The following PIWIL2 variants were observed in gnomAD, a reference collection of about 807,000 sequenced individuals.
PIWIL2 encodes the protein piwi-like protein 2.
PIWIL2 carries 81 observed loss-of-function variants against 116.5 expected under a neutral mutation model. The ratio of observed to expected loss-of-function variants is 0.70; its 90% confidence interval spans 0.58 to 0.84. The LOEUF is 0.84. PIWIL2 is among the 40% of genes least tolerant of loss of function. The probability of loss-of-function intolerance (pLI) is 0.00; values close to 1 mark genes in which losing one functional copy is unlikely to be tolerated. For synonymous variants in PIWIL2, 489 were observed against 429.5 expected, an observed-to-expected ratio of 1.14 and a Z score of -1.71; for missense variants, 1,272 against 1,212.3, an observed-to-expected ratio of 1.05 and a Z score of -0.73.
chr8:22,350,683 T>G (rs1302748073), intron 20 of PIWIL2, among the ~76,000 whole-genome samples: 2 of 152,018 alleles, frequency 1.3e-5, no homozygotes, highest in Non-Finnish European at 2.9e-5. Flanking sequence ...TGCTTGAGGC[T>G]TCTTAGGAAA....
chr8:22,296,481 T>C (rs1194323849), intron 10 of PIWIL2, among the ~76,000 whole-genome samples: 1 of 152,256 alleles, frequency 6.6e-6, no homozygotes, highest in Non-Finnish European at 1.5e-5. Flanking sequence ...GGAAATTATT[T>C]TCAGACCTTA....
chr8:22,289,828 T>C lies in PIWIL2; in HGVS notation c.987-19T>C. ...TATTACTCTTCTATTAGAAAACTCA[T>C]ACTTGCTTTTTATTTCAGGGTAATG... On this transcript the variant is annotated intron_variant, in intron 8 of 22. Coordinates refer to ENST00000356766, the MANE Select transcript of PIWIL2 (RefSeq NM_018068.5). The C allele has an allele frequency of 6.7e-7, 1 of 1,486,698 alleles. No homozygotes were observed. 92.1% of individuals were successfully genotyped at this position (1,486,698 alleles called of 1,614,324 possible).
rs370699306 is a variant in PIWIL2 at position 22,324,187 on chromosome 8, G to A, written c.2403+5912G>A. On this transcript the variant is annotated intron_variant, in intron 20 of 22. Transcript: ENST00000356766. ...TGAGGCAGGAGAATCACTTGAACCTGGGAGGTGAAGGTTGTAGTGTGCCAA... is the reference window on the plus strand; with the variant it reads ...TGAGGCAGGAGAATCACTTGAACCTAGGAGGTGAAGGTTGTAGTGTGCCAA... Among the ~76,000 whole-genome samples, 10 of 152,280 alleles carry A rather than the reference G, an allele frequency of 6.6e-5. No individual in the cohort carries two copies. In the East Asian group the frequency reaches 1.3e-3, roughly 21 times the overall value.
rs555362774 is a variant in PIWIL2 at position 22,344,113 on chromosome 8, G to T, written c.2404-8846G>T. On this transcript the variant is annotated intron_variant, in intron 20 of 22. Coordinates refer to ENST00000356766, the MANE Select transcript of PIWIL2 (RefSeq NM_018068.5). ...CTTAAATACATATTGCTCAGTGAAA[G>T]ATGGTAATCTGAAAAGGCTTTATAT... Among the ~76,000 whole-genome samples, 8 of 152,332 alleles carry T rather than the reference G, an allele frequency of 5.3e-5. No homozygotes were observed. The South Asian group carries it at 1.7e-3, about 32-fold the overall frequency.
intron 20 of PIWIL2, among the ~76,000 whole-genome samples, chr8:22,330,920 A>T (rs959752929): frequency 7.2e-5 from 11 of 152,080 alleles, no homozygotes; most frequent in Non-Finnish European, 1.3e-4. Context: ...CACGCCTGTA[A>T]TCCCAGCACT....
Position 22,356,062 on chromosome 8 carries a change from ACT to A in PIWIL2, c.*560_*561del, listed in dbSNP as rs1832484551. 1 of 143,522 alleles carries A rather than the reference ACT, an allele frequency of 7.0e-6. No homozygotes were observed. The highest frequency in any genetic ancestry group is 1.5e-5 in the Non-Finnish European group (1 of 66,336). 8.9% of individuals were successfully genotyped at this position (143,522 alleles called of 1,614,324 possible). ...CACTCCAGCCTGTTGACAAAGCAAGACTCTGTCTCAAAAAAAAAAAAAAAAAG... is the reference window on the plus strand; with the variant it reads ...CACTCCAGCCTGTTGACAAAGCAAGACTGTCTCAAAAAAAAAAAAAAAAAG... On this transcript the variant is annotated 3_prime_UTR_variant, in exon 23 of 23. Transcript: ENST00000356766.
At chr8:22,354,422 C>G in intron 22 of PIWIL2, 44 bp downstream of exon 22, 4 of 1,278,092 alleles carry the variant, frequency 3.1e-6, no homozygotes, top group Non-Finnish European at 4.6e-6. Context: ...TTAAATAATT[C>G]TGGCCTGCTA....
At position 22,318,251 on chromosome 8, in the gene PIWIL2, G is replaced by A. The variant is rs751496636; in HGVS notation, c.2379G>A (p.Val793=). 1 of 1,609,196 alleles carries A rather than the reference G, an allele frequency of 6.2e-7. No homozygotes were observed. Among genetic ancestry groups the A allele is most frequent in the Non-Finnish European group, 8.5e-7 (1 of 1,175,950 alleles). ...EIVDSLKLCL[V]GSLKKFYEVN... ...TGGACAGCCTGAAGCTATGCCTCGT[G>A]GGCTCCTTAAAAAAGTTTTATGAGG... The change falls in exon 20 of 23, where the codon GTG becomes GTA. Residue 793 remains valine, a synonymous_variant. Transcript: ENST00000356766.
At position 22,284,287 on chromosome 8, in the gene PIWIL2, C is replaced by G. The variant is rs1430852565; in HGVS notation, c.743+15C>G. 1.5e-6 allele frequency: 2 copies of G among 1,335,684 alleles called. No homozygotes were observed. Among genetic ancestry groups the G allele is most frequent in the Non-Finnish European group, 2.1e-6 (2 of 944,966 alleles). 82.7% of individuals were successfully genotyped at this position (1,335,684 alleles called of 1,614,324 possible). A position where few individuals can be genotyped will look rare whatever the true frequency, so the allele number is the denominator to read the frequency against. ...GTGACTTTCAGGTATTCACAGCTTT[C>G]CTTTGTATTGTTCACTTCTTAAAGG... On this transcript the variant is annotated intron_variant, in intron 6 of 22. Coordinates refer to ENST00000356766, the MANE Select transcript of PIWIL2 (RefSeq NM_018068.5).
At chr8:22,320,960 T>G (rs1029997821) in intron 20 of PIWIL2, among the ~76,000 whole-genome samples, 13 of 152,300 alleles carry the variant, frequency 8.5e-5, no homozygotes, top group African/African-American at 3.1e-4. Flanking sequence ...CTTTTCCATC[T>G]CTTACACTAC....
chr8:22,328,465 A>G (rs2404331), intron 20 of PIWIL2, among the ~76,000 whole-genome samples: 5,012 of 152,188 alleles, frequency 0.033, 122 homozygotes, highest in Non-Finnish European at 0.051. Context: ...TTGTTTCTGC[A>G]AAAAAAGGCC....
chr8:22,276,950 A>G (rs1830388285), intron 1 of PIWIL2, among the ~76,000 whole-genome samples: 1 of 152,086 alleles, frequency 6.6e-6, no homozygotes, highest in African/African-American at 2.4e-5. Flanking sequence ...TTCAGGAATC[A>G]GGGGCAAGTC....
chr8:22,290,313 A>G lies in PIWIL2; in HGVS notation c.1148A>G (p.Lys383Arg). ...TTCCTGCTAGCTGATGTCTCCCATA[A>G]GGTCATTCGGAATGACTGTGTGCTG... Reference protein sequence around the residue: ...GLFLLADVSHKVIRNDCVLDV... With the variant: ...GLFLLADVSHRVIRNDCVLDV... Residue 383 changes from lysine (K) to arginine (R), a missense_variant, in exon 10 of 23, where the codon AAG becomes AGG. Physicochemically the swap from Lys to Arg is conservative, Grantham distance 26. Transcript: ENST00000356766. The G allele has an allele frequency of 6.2e-7, 1 of 1,610,630 alleles. No homozygotes were observed. Among genetic ancestry groups the G allele is most frequent in the South Asian group, 1.1e-5 (1 of 90,960 alleles).
Position 22,290,183 on chromosome 8 carries a change from G to A in PIWIL2, c.1068-50G>A, listed in dbSNP as rs776613459. ...GTTTTGTTCACATGGGGGCATGGAA[G>A]TATATGTGTTCTTTGAAAATCCTAC... On this transcript the variant is annotated intron_variant, in intron 9 of 22. Transcript: ENST00000356766. The A allele has an allele frequency of 2.1e-5, 23 of 1,086,444 alleles. No homozygotes were observed. The Admixed American group carries it at 3.9e-4, about 19-fold the overall frequency. The allele number at this position is 1,086,444 out of a possible 1,614,324, so 67.3% of individuals were successfully genotyped here.
At chr8:22,318,118 C>G (rs773674568) in intron 19 of PIWIL2, 52 bp from the exon 20 acceptor site, 15 of 1,148,026 alleles carry the variant, frequency 1.3e-5, no homozygotes, top group Non-Finnish European at 1.8e-5. Flanking sequence ...CTGTCCCCTT[C>G]GAGCATTTGT....
chr8:22,328,245 G>A (rs891906424), intron 20 of PIWIL2, among the ~76,000 whole-genome samples: 6 of 152,144 alleles, frequency 3.9e-5, no homozygotes, highest in Non-Finnish European at 7.4e-5. Context: ...TGTCATGGAT[G>A]TTTGGGTTTA....
intron 6 of PIWIL2, 33 bp from the exon 7 acceptor site, chr8:22,287,495 A>G (rs1361092150): frequency 7.2e-7 from 1 of 1,391,868 alleles, no homozygotes; most frequent in East Asian, 2.3e-5. Flanking sequence ...GTTTGAGTCA[A>G]GTTAAAGGAA....
At chr8:22,331,883 G>A (rs916644478) in intron 20 of PIWIL2, among the ~76,000 whole-genome samples, 5 of 152,034 alleles carry the variant, frequency 3.3e-5, no homozygotes, top group African/African-American at 1.2e-4. Context: ...GATCTTATGT[G>A]TAAAAAACAG....
intron 20 of PIWIL2, among the ~76,000 whole-genome samples, chr8:22,345,787 G>A (rs1158752122): frequency 1.3e-5 from 2 of 152,166 alleles, no homozygotes; most frequent in Admixed American, 6.5e-5. Context: ...GGACTGAGAC[G>A]TACTGCAACA....
Sources: gnomAD v4.1 joint callset for allele counts (sites outside exome capture counted in the v4.1 genomes callset) on GRCh38, gnomAD v4.1.1 for gene constraint, MANE v1.5 for transcripts, NCBI Gene and HGNC (gene_info 2026-07-23, HGNC 2026-07-21) for gene names.